Variants in RNF212B observed in about 807,000 individuals in gnomAD.
RNF212B encodes ring finger protein 212B.
In RNF212B, 52 loss-of-function variants were observed where a neutral mutation model predicts 55.5. That is an observed-to-expected ratio of 0.94 (90% CI 0.75 to 1.18). The LOEUF (loss-of-function observed/expected upper bound fraction) is 1.18. RNF212B is among the 50% of genes most tolerant of loss of function. RNF212B has a pLI of 0.00. For synonymous variants in RNF212B, 99 were observed against 121.4 expected, an observed-to-expected ratio of 0.82 and a Z score of 1.21; for missense variants, 289 against 350.4, an observed-to-expected ratio of 0.82 and a Z score of 1.40.
At chr14:23,259,561 A>C (rs1442619971) in intron 5 of RNF212B, 1 of 179,156 alleles carries the variant, frequency 5.6e-6, no homozygotes, top group Non-Finnish European at 1.2e-5. Flanking sequence ...CTGCCAAAGC[A>C]ATCACAAGAT....
chr14:23,190,746 C>A (rs1344501077), intron 1 of RNF212B, among the ~76,000 whole-genome samples: 1 of 152,202 alleles, frequency 6.6e-6, no homozygotes, highest in African/African-American at 2.4e-5. Context: ...AATCACAGAT[C>A]AGGTCATGTC....
intron 3 of RNF212B, among the ~76,000 whole-genome samples, chr14:23,243,515 G>A (rs1216035892): frequency 6.7e-6 from 1 of 150,356 alleles, no homozygotes; most frequent in African/African-American, 2.5e-5. Context: ...GGGCAACATA[G>A]TGAAACCCTG....
chr14:23,268,371 C>T lies in RNF212B; in HGVS notation c.635-553C>T, dbSNP rs1254157263. Among the ~76,000 whole-genome samples, 7 of 152,164 alleles carry T rather than the reference C, an allele frequency of 4.6e-5. No homozygotes were observed. In the East Asian group the frequency reaches 1.3e-3, roughly 29 times the overall value. ...CATGGAGGTGGAGAAGGAGAAATGG[C>T]AATAGAGCAAGTTAAAATGCCACAA... On this transcript the variant is annotated intron_variant, in intron 11 of 14. Transcript: ENST00000430154.
At chr14:23,235,234 G>T (rs1210018446), upstream of RNF212B, among the ~76,000 whole-genome samples, 1 of 151,568 alleles carries the variant, frequency 6.6e-6, no homozygotes, top group Non-Finnish European at 1.5e-5. Flanking sequence ...AAATAGCCAG[G>T]CAAGGTGGAG....
intron 2 of RNF212B, among the ~76,000 whole-genome samples, chr14:23,204,205 C>T (rs979431378): frequency 2.0e-5 from 3 of 152,150 alleles, no homozygotes; most frequent in African/African-American, 4.8e-5. Flanking sequence ...TTCCTTTTGC[C>T]GTGCAAAATA....
chr14:23,256,683 A>G (rs1236936169), intron 4 of RNF212B, among the ~76,000 whole-genome samples: 1 of 151,934 alleles, frequency 6.6e-6, no homozygotes, highest in African/African-American at 2.4e-5. Context: ...CCTCTATTCA[A>G]ATTTTCTAAA....
chr14:23,219,283 C>T (rs552091012), intron 2 of RNF212B, among the ~76,000 whole-genome samples: 192 of 152,274 alleles, frequency 1.3e-3, no homozygotes, highest in African/African-American at 4.4e-3. Context: ...CAGAAAACCA[C>T]AGAATAGTAT....
At chr14:23,243,839 G>A (rs1883794658) in intron 3 of RNF212B, among the ~76,000 whole-genome samples, 1 of 152,074 alleles carries the variant, frequency 6.6e-6, no homozygotes, top group Non-Finnish European at 1.5e-5. Context: ...CACTTTGGGA[G>A]GCTGATGCGG....
At chr14:23,223,520 AATTTTTTTGT>A (rs1387894545) in intron 2 of RNF212B, among the ~76,000 whole-genome samples, 1 of 151,978 alleles carries the variant, frequency 6.6e-6, no homozygotes, top group Non-Finnish European at 1.5e-5. Context: ...AAGCCCGGCT[AATTTTTTTGT>A]ATTTTTAGTA....
At chr14:23,226,430 A>G (rs909796440) in intron 2 of RNF212B, among the ~76,000 whole-genome samples, 3 of 151,620 alleles carry the variant, frequency 2.0e-5, no homozygotes, top group African/African-American at 7.2e-5. Context: ...GGAGATCGAG[A>G]CCATCCTGGC....
intron 4 of RNF212B, among the ~76,000 whole-genome samples, chr14:23,246,931 C>T (rs534451579): frequency 7.2e-5 from 11 of 152,040 alleles, no homozygotes; most frequent in Admixed American, 4.6e-4. Context: ...ACCTGAGGTC[C>T]GGGGTTCGAG....
chr14:23,269,671 TACTGC>T (rs1263225889), intron 12 of RNF212B, among the ~76,000 whole-genome samples, 187 bp from the exon 13 acceptor site: 1 of 150,948 alleles, frequency 6.6e-6, no homozygotes, highest in Admixed American at 6.6e-5. Context: ...ATGATCATAC[TACTGC>T]ACTCCAACCT....
Position 23,240,406 on chromosome 14 carries a change from A to G in RNF212B, c.61A>G (p.Ser21Gly). 2 of 1,550,354 alleles carry G rather than the reference A, an allele frequency of 1.3e-6. No individual in the cohort carries two copies. The highest frequency in any genetic ancestry group is 2.4e-5 in the South Asian group (2 of 84,046). Residue 21 changes from serine to glycine, a missense_variant, in exon 2 of 15, where the codon AGC becomes GGC. Physicochemically the swap from Ser to Gly is moderately conservative, Grantham distance 56 (BLOSUM62 0). Transcript: ENST00000430154. ...RKDGAHFFVTSCGHIFCKKCV... is the reference protein window; with the variant it reads ...RKDGAHFFVTGCGHIFCKKCV... ...AGATGGGGCCCATTTCTTTGTCACC[A>G]GCTGTGGCCATATTTTCTGTAAAAA...
At chr14:23,201,204 G>A (rs1879257414) in intron 2 of RNF212B, among the ~76,000 whole-genome samples, 1 of 152,096 alleles carries the variant, frequency 6.6e-6, no homozygotes, top group Non-Finnish European at 1.5e-5. Context: ...CTATTCTGAT[G>A]TCACAATCTC....
At chr14:23,250,200 C>A (rs1433071556) in intron 4 of RNF212B, among the ~76,000 whole-genome samples, 1 of 152,176 alleles carries the variant, frequency 6.6e-6, no homozygotes, top group African/African-American at 2.4e-5. Context: ...CTAAGTTAGG[C>A]CAGCCGTGGT....
chr14:23,246,077 T>A (rs1883956792), intron 4 of RNF212B, among the ~76,000 whole-genome samples: 1 of 152,120 alleles, frequency 6.6e-6, no homozygotes, highest in Non-Finnish European at 1.5e-5. Context: ...CTCAAGATAA[T>A]CTTTCTGAGG....
chr14:23,262,507 C>T (rs1737806345), intron 7 of RNF212B, among the ~76,000 whole-genome samples, 158 bp from the exon 8 acceptor site: 1 of 152,140 alleles, frequency 6.6e-6, no homozygotes, highest in Non-Finnish European at 1.5e-5. Flanking sequence ...AACTTTGCTT[C>T]CATATTTTAG....
intron 2 of RNF212B, among the ~76,000 whole-genome samples, chr14:23,212,712 G>A (rs535061447): frequency 1.3e-5 from 2 of 151,982 alleles, no homozygotes; most frequent in African/African-American, 4.8e-5. Flanking sequence ...TAATTTAATA[G>A]AGATGGAGTC....
intron 2 of RNF212B, among the ~76,000 whole-genome samples, chr14:23,202,250 TAA>T (rs57327070): frequency 0.015 from 1,954 of 133,960 alleles, 7 homozygotes; most frequent in Middle Eastern, 0.019. Context: ...GACCCTGTCT[TAA>T]AAAAAAAAAA....
Sources: allele counts gnomAD v4.1 joint callset (sites outside exome capture counted in the v4.1 genomes callset), GRCh38; gene constraint gnomAD v4.1.1; transcripts MANE v1.5; gene names NCBI Gene and HGNC (gene_info 2026-07-23, HGNC 2026-07-21).